RERE: variants seen among roughly 807,000 people sequenced by gnomAD.
The protein encoded by RERE is arginine-glutamic acid dipeptide repeats protein.
Under a neutral mutation model 146.1 loss-of-function variants are expected in RERE, and 40 were observed. The ratio of observed to expected loss-of-function variants is 0.27; its 90% CI spans 0.21 to 0.36. RERE has a LOEUF of 0.36. Ranked by LOEUF, RERE falls within the 10% of genes least tolerant of loss-of-function variation. The probability of loss-of-function intolerance (pLI) is 1.00; values close to 1 mark genes in which losing one functional copy is unlikely to be tolerated. For missense variants in RERE, 1,933 were observed against 2,138.7 expected (o/e 0.90, Z 1.90); for synonymous variants, 1,003 against 866.0 (o/e 1.16, Z -2.78).
chr1:8,477,244 G>C (rs1052991915), intron 10 of RERE, among the ~76,000 whole-genome samples: 3 of 152,134 alleles, frequency 2.0e-5, no homozygotes, highest in African/African-American at 7.2e-5. Context: ...CTGCTTGCCG[G>C]GGCAGGAGGA....
chr1:8,355,836 G>T (rs1043882951), intron 21 of RERE, among the ~76,000 whole-genome samples: 1 of 152,096 alleles, frequency 6.6e-6, no homozygotes, highest in African/African-American at 2.4e-5. Flanking sequence ...CTCAGCCCAA[G>T]TGCTTCTCCT....
At chr1:8,440,029 G>A (rs146850656) in intron 11 of RERE, among the ~76,000 whole-genome samples, 4,174 of 152,004 alleles carry the variant, frequency 0.027, 169 homozygotes, top group African/African-American at 0.095. Flanking sequence ...AGCTGAGATC[G>A]CGCCATTACA....
At chr1:8,419,447 A>G (rs1570195687) in intron 12 of RERE, among the ~76,000 whole-genome samples, 1 of 152,246 alleles carries the variant, frequency 6.6e-6, no homozygotes, top group Non-Finnish European at 1.5e-5. Flanking sequence ...TGAACTGGTA[A>G]GAATGAGGTC....
chr1:8,524,858 G>A (rs1476951835), intron 7 of RERE, among the ~76,000 whole-genome samples: 1 of 151,952 alleles, frequency 6.6e-6, no homozygotes, highest in African/African-American at 2.4e-5. Flanking sequence ...TCAAGCAGTG[G>A]GTACGAAATG....
At position 8,423,735 on chromosome 1, in the gene RERE, G is replaced by C. The variant is rs1432005310; in HGVS notation, c.1204-928C>G. 2.0e-5 allele frequency: 19 copies of C among 972,858 alleles called. No individual in the cohort carries two copies. Among genetic ancestry groups the C allele is most frequent in the Non-Finnish European group, 2.3e-5 (19 of 821,500 alleles). The allele number at this position is 972,858 out of a possible 1,614,324, so 60.3% of individuals were successfully genotyped here. A position where few individuals can be genotyped will look rare whatever the true frequency, so the allele number is the denominator to read the frequency against. On this transcript the variant is annotated intron_variant, in intron 11 of 22. Transcript: ENST00000400908. This position sits in a 1 kb window ranked among gnomAD's most constrained non-coding sequence, Gnocchi z 5.4. ...GACCGCGGCGGGGCCGCGCGGCGCG[G>C]GGCCCGGGGGGCGCGGGGCTGGGGC... is the stretch of plus-strand genomic sequence containing the variant.
At position 8,466,027 on chromosome 1, in the gene RERE, AAAC is replaced by A. The variant is rs750518717; in HGVS notation, c.1105-7_1105-5del. 5 of 1,605,178 alleles carry A rather than the reference AAAC, an allele frequency of 3.1e-6. No individual in the cohort carries two copies. Among genetic ancestry groups the A allele is most frequent in the South Asian group, 1.1e-5 (1 of 90,862 alleles). ...CATCGTAACCGCTTTCATGCAGCTA[AAAC>A]AACAACAATTATAGTTAGCTAACTG... On this transcript the variant is annotated splice_region_variant and splice_polypyrimidine_tract_variant and intron_variant, in intron 10 of 22. Coordinates refer to ENST00000400908, the MANE Select transcript of RERE (RefSeq NM_001042681.2).
chr1:8,623,758 CCTTA>C (rs1323257097), intron 3 of RERE, among the ~76,000 whole-genome samples: 1 of 152,146 alleles, frequency 6.6e-6, no homozygotes, highest in Non-Finnish European at 1.5e-5. Flanking sequence ...GTAGCTATGT[CCTTA>C]CTTCTGCAAC....
chr1:8,569,174 C>T (rs1018697989), intron 4 of RERE, among the ~76,000 whole-genome samples: 3 of 150,098 alleles, frequency 2.0e-5, no homozygotes, highest in Non-Finnish European at 4.4e-5. Context: ...AATAGCTATT[C>T]GTAGAGAGTG....
chr1:8,577,791 T>C (rs1387830690), intron 4 of RERE, among the ~76,000 whole-genome samples: 1 of 152,162 alleles, frequency 6.6e-6, no homozygotes, highest in Non-Finnish European at 1.5e-5. Flanking sequence ...AGGCTGGACA[T>C]GCACTTTAAA....
At chr1:8,745,484 C>T (rs1640401685) in intron 1 of RERE, among the ~76,000 whole-genome samples, 1 of 152,170 alleles carries the variant, frequency 6.6e-6, no homozygotes, top group East Asian at 1.9e-4. Flanking sequence ...ATTTCTATCT[C>T]CCAAATGTTT....
intron 12 of RERE, among the ~76,000 whole-genome samples, chr1:8,422,499 CAGA>C (rs1643924217): frequency 6.6e-6 from 1 of 152,198 alleles, no homozygotes; most frequent in African/African-American, 2.4e-5. Context: ...AGAGTTACAA[CAGA>C]AGTCTATGTT....
At chr1:8,599,229 A>G (rs1032951617) in intron 4 of RERE, among the ~76,000 whole-genome samples, 1 of 152,174 alleles carries the variant, frequency 6.6e-6, no homozygotes, top group Non-Finnish European at 1.5e-5. Flanking sequence ...TTCTTTTTCA[A>G]TCGAGGAGCT....
rs187379432 is a variant in RERE, at chr1:8,357,319, C to T, written c.4339+877G>A. 1.5e-4 allele frequency among the ~76,000 whole-genome samples: 23 copies of T among 152,370 alleles called. No homozygotes were observed. In the East Asian group the frequency reaches 3.9e-3, roughly 26 times the overall value. ...TTGTAAGGTCTACACCAGGTGCCAA[C>T]AGAGCTTCAGATATGAGGACGGCAA... On this transcript the variant is annotated intron_variant, in intron 20 of 22. Coordinates refer to ENST00000400908, the MANE Select transcript of RERE (RefSeq NM_001042681.2).
intron 2 of RERE, among the ~76,000 whole-genome samples, chr1:8,637,606 C>T (rs1647118294): frequency 6.6e-6 from 1 of 152,142 alleles, no homozygotes; most frequent in African/African-American, 2.4e-5. Context: ...ACAGCTCTAC[C>T]TCCTTTCCAC....
At chr1:8,385,241 ATAATAT>A in intron 12 of RERE, among the ~76,000 whole-genome samples, 1 of 152,354 alleles carries the variant, frequency 6.6e-6, no homozygotes, top group South Asian at 2.1e-4. Flanking sequence ...AATTGAATTA[ATAATAT>A]CAACACCCAT....
At chr1:8,639,816 A>G (rs1485064357) in intron 2 of RERE, among the ~76,000 whole-genome samples, 1 of 152,216 alleles carries the variant, frequency 6.6e-6, no homozygotes, top group African/African-American at 2.4e-5. Context: ...CATTGCCACA[A>G]TCAATTTGGT....
intron 2 of RERE, among the ~76,000 whole-genome samples, chr1:8,650,948 T>C (rs1030335348): frequency 2.0e-5 from 3 of 150,710 alleles, no homozygotes; most frequent in Non-Finnish European, 3.0e-5. Context: ...TAAAAATAAA[T>C]TAGCTGGGTG....
intron 11 of RERE, chr1:8,465,268 C>A: frequency 6.3e-6 from 1 of 157,722 alleles, no homozygotes; most frequent in East Asian, 1.8e-4. Context: ...CCCCCCACTT[C>A]CTTCAACAGG....
Position 8,759,835 on chromosome 1 carries a change from C to A in RERE, c.-145+57325G>T, listed in dbSNP as rs71641060. 4.3e-5 allele frequency among the ~76,000 whole-genome samples: 5 copies of A among 117,304 alleles called. No homozygotes were observed. In the East Asian group the frequency reaches 8.9e-4, roughly 21 times the overall value. The allele number at this position is 117,304 out of a possible 152,430, so 77.0% of individuals were successfully genotyped here. ...GTATAACTCTAAATTCTTACTCTCT[C>A]TATACACACACACACACACACACAC... On this transcript the variant is annotated intron_variant, in intron 1 of 22. Transcript: ENST00000400908.
Sources: gnomAD v4.1 joint callset for allele counts (sites outside exome capture counted in the v4.1 genomes callset) on GRCh38, gnomAD v4.1.1 for gene constraint, Gnocchi (gnomAD v3.1) non-coding constraint, MANE v1.5 for transcripts, NCBI Gene and HGNC (gene_info 2026-07-23, HGNC 2026-07-21) for gene names.